Variants in LRRIQ1 observed in about 807,000 individuals in gnomAD.
LRRIQ1 encodes the protein leucine-rich repeat- and IQ domain-containing protein 1.
A neutral mutation model predicts 211.9 loss-of-function variants in LRRIQ1; 210 were observed. The ratio of observed to expected loss-of-function variants is 0.99; its 90% confidence interval spans 0.89 to 1.11. The LOEUF (loss-of-function observed/expected upper bound fraction) is 1.11. Ranked by LOEUF, LRRIQ1 falls within the 50% of genes most tolerant of loss-of-function variation. The probability of loss-of-function intolerance (pLI) is 0.00; values close to 1 mark genes in which losing one functional copy is unlikely to be tolerated. For missense variants in LRRIQ1, 2,136 were observed against 1,939.5 expected (o/e 1.10, Z -1.90); for synonymous variants, 699 against 650.1 (o/e 1.08, Z -1.14).
At chr12:85,268,307 C>G (rs1356349996), downstream of LRRIQ1, among the ~76,000 whole-genome samples, 1 of 151,812 alleles carries the variant, frequency 6.6e-6, no homozygotes, top group African/African-American at 2.4e-5. Context: ...GTATAAATTT[C>G]TAATAGCATG....
chr12:85,155,416 G>A (rs184591944), intron 23 of LRRIQ1, among the ~76,000 whole-genome samples: 6 of 151,432 alleles, frequency 4.0e-5, no homozygotes, highest in Admixed American at 2.0e-4. Flanking sequence ...GACTCTTAAC[G>A]ATAGTGAGAT....
At chr12:85,268,079 A>G (rs991697312), downstream of LRRIQ1, among the ~76,000 whole-genome samples, 3 of 152,024 alleles carry the variant, frequency 2.0e-5, no homozygotes, top group African/African-American at 7.2e-5. Flanking sequence ...CTCTAAGCAG[A>G]TTAAAATTGG....
Position 85,098,417 on chromosome 12 carries a change from AC to A in LRRIQ1, c.2951del (p.Thr984LysfsTer13). Reference sequence around the variant, plus strand: ...TTTGGACCACAATCAGTTAATTAATACAAAAGGTCTTTGTGATACACCTACC... The same window carrying A: ...TTTGGACCACAATCAGTTAATTAATAAAAAGGTCTTTGTGATACACCTACC... ...LILDHNQLIN[T>X]KGLCDTPTIV... On this transcript the variant is annotated frameshift_variant, in exon 12 of 27. Coordinates refer to ENST00000393217, the MANE Select transcript of LRRIQ1 (RefSeq NM_001079910.2). LOFTEE classifies it high-confidence loss of function. 6.2e-7 allele frequency: 1 copy of A among 1,611,192 alleles called. No individual in the cohort carries two copies. Among genetic ancestry groups the A allele is most frequent in the Non-Finnish European group, 8.5e-7 (1 of 1,178,460 alleles).
At position 85,040,581 on chromosome 12, in the gene LRRIQ1, T is replaced by A; in HGVS notation, c.224T>A (p.Leu75Gln). 6.3e-7 allele frequency: 1 copy of A among 1,587,414 alleles called. No individual in the cohort carries two copies. Among genetic ancestry groups the A allele is most frequent in the Non-Finnish European group, 8.6e-7 (1 of 1,159,852 alleles). ...KAVEELILQD[L>Q]EDTDILSCSY... is the part of the protein sequence containing the mutation. ...GTTGAAGAGCTCATTCTTCAGGACC[T>A]GGAAGATACTGATATTTTAAGTAAG... is the stretch of plus-strand genomic sequence containing the variant. Residue 75 changes from leucine (L) to glutamine (Q), a missense_variant, in exon 3 of 27, where the codon CTG (leucine) becomes CAG (glutamine). Physicochemically the swap from Leu to Gln is moderately radical, Grantham distance 113. Coordinates refer to ENST00000393217, the MANE Select transcript of LRRIQ1 (RefSeq NM_001079910.2).
intron 24 of LRRIQ1, among the ~76,000 whole-genome samples, chr12:85,222,528 A>G (rs1894448936): frequency 6.6e-6 from 1 of 152,196 alleles, no homozygotes; most frequent in South Asian, 2.1e-4. Flanking sequence ...CCCCAAATTT[A>G]GCATTATGAT....
At chr12:85,193,252 G>C (rs1380913965) in intron 24 of LRRIQ1, among the ~76,000 whole-genome samples, 1 of 126,126 alleles carries the variant, frequency 7.9e-6, no homozygotes, top group African/African-American at 3.0e-5. Flanking sequence ...CACTCTGCAG[G>C]ATATTATCCA....
chr12:85,198,794 T>G (rs1893145309), intron 24 of LRRIQ1, among the ~76,000 whole-genome samples: 1 of 152,126 alleles, frequency 6.6e-6, no homozygotes, highest in Non-Finnish European at 1.5e-5. Context: ...GGTCTTGATT[T>G]GCTGACCTCG....
Position 85,056,339 on chromosome 12 carries a change from G to T in LRRIQ1, c.1546G>T (p.Asp516Tyr), listed in dbSNP as rs1333056051. The change falls in exon 8 of 27, where the codon GAT becomes TAT. Residue 516 changes from aspartate to tyrosine, a missense_variant. Transcript: ENST00000393217. ...TDNKTELGNS[D>Y]LKGNLKEQFP... is the part of the protein sequence containing the mutation. ...TAACAAAACTGAATTGGGAAACTCT[G>T]ATCTAAAAGGAAATCTGAAAGAACA... The T allele has an allele frequency of 1.3e-6, 2 of 1,595,964 alleles. No homozygotes were observed. The highest frequency in any genetic ancestry group is 3.6e-5 in the Admixed American group (2 of 55,756).
At position 85,124,328 on chromosome 12, in the gene LRRIQ1, C is replaced by T. The variant is rs780081667; in HGVS notation, c.3816C>T (p.Ser1272=). The T allele has an allele frequency of 1.9e-6, 3 of 1,614,064 alleles. No individual in the cohort carries two copies. Among genetic ancestry groups the T allele is most frequent in the South Asian group, 2.2e-5 (2 of 91,074 alleles). The part of the protein sequence containing the change: ...DIPEKWMDSV[S]SHSPLSKSAT... The stretch of plus-strand genomic sequence containing the variant: ...CTGAGAAATGGATGGACTCTGTCTC[C>T]AGCCACTCCCCATTAAGCAAATCCG... The change falls in exon 17 of 27, where the codon TCC becomes TCT. Residue 1272 remains serine, a synonymous_variant. Transcript: ENST00000393217.
At chr12:85,271,091 T>G in the LRRIQ1 span, among the ~76,000 whole-genome samples, 3 of 152,328 alleles carry the variant, frequency 2.0e-5, no homozygotes, top group Non-Finnish European at 4.4e-5. Flanking sequence ...AAGAAGTTAT[T>G]TTCTTCCTCT....
At chr12:85,078,904 T>A (rs993043971) in intron 11 of LRRIQ1, among the ~76,000 whole-genome samples, 2 of 152,194 alleles carry the variant, frequency 1.3e-5, no homozygotes, top group South Asian at 2.1e-4. Flanking sequence ...TTCACAAAAA[T>A]TTTATAAATG....
rs1890406198 is a variant in LRRIQ1, at chr12:85,154,104, T to C, written c.4720+10T>C. On this transcript the variant is annotated intron_variant, in intron 23 of 26. Coordinates refer to ENST00000393217, the MANE Select transcript of LRRIQ1 (RefSeq NM_001079910.2). ...CTAAAGAAAAAAATAGGTGAGTAAT[T>C]AGTGCTCTTTGAATAATAACTGTGT... The C allele has an allele frequency of 6.8e-7, 1 of 1,474,110 alleles. No individual in the cohort carries two copies. 91.3% of individuals were successfully genotyped at this position (1,474,110 alleles called of 1,614,324 possible).
intron 24 of LRRIQ1, among the ~76,000 whole-genome samples, chr12:85,193,626 A>T (rs1263429335): frequency 6.6e-6 from 1 of 151,830 alleles, no homozygotes; most frequent in Non-Finnish European, 1.5e-5. Context: ...AAATGCTGAG[A>T]GATTTTGTCA....
At chr12:85,130,578 T>A (rs1399511105) in intron 18 of LRRIQ1, among the ~76,000 whole-genome samples, 1 of 152,334 alleles carries the variant, frequency 6.6e-6, no homozygotes, top group East Asian at 1.9e-4. Flanking sequence ...TCAGTCTTTC[T>A]TTGTAACTTA....
chr12:85,079,503 G>A (rs1239968825), intron 11 of LRRIQ1, among the ~76,000 whole-genome samples: 1 of 151,844 alleles, frequency 6.6e-6, no homozygotes, highest in Non-Finnish European at 1.5e-5. Flanking sequence ...GATTACAGGT[G>A]TAAGAGCTGC....
At chr12:85,117,794 A>C (rs1887689001) in intron 15 of LRRIQ1, among the ~76,000 whole-genome samples, 1 of 152,214 alleles carries the variant, frequency 6.6e-6, no homozygotes, top group African/African-American at 2.4e-5. Context: ...TTATTGTCAC[A>C]TCTTAAAAAC....
At chr12:85,135,899 G>T (rs182452407) in intron 18 of LRRIQ1, among the ~76,000 whole-genome samples, 14 of 151,722 alleles carry the variant, frequency 9.2e-5, no homozygotes, top group African/African-American at 3.1e-4. Flanking sequence ...ACCCCATCTG[G>T]ATTTTAGAAA....
intron 26 of LRRIQ1, among the ~76,000 whole-genome samples, chr12:85,237,303 G>A (rs1461725854): frequency 6.6e-6 from 1 of 152,072 alleles, no homozygotes; most frequent in Non-Finnish European, 1.5e-5. Flanking sequence ...TAACAGCTTG[G>A]AAACACTTTC....
intron 3 of LRRIQ1, among the ~76,000 whole-genome samples, chr12:85,041,941 G>A (rs1172942977): frequency 6.6e-6 from 1 of 151,808 alleles, no homozygotes; most frequent in Non-Finnish European, 1.5e-5. Context: ...AGAAAGGAAG[G>A]TGGCTCCAAG....
Sources: allele counts gnomAD v4.1 joint callset (sites outside exome capture counted in the v4.1 genomes callset), GRCh38; gene constraint gnomAD v4.1.1; transcripts MANE v1.5; gene names NCBI Gene and HGNC (gene_info 2026-07-23, HGNC 2026-07-21).